CNTNAP4: variants seen among roughly 807,000 people sequenced by gnomAD.
CNTNAP4 encodes contactin-associated protein-like 4.
Under a neutral mutation model 148.4 loss-of-function variants are expected in CNTNAP4, and 98 were observed. The observed-to-expected ratio is 0.66, with a 90% CI of 0.56 to 0.78. The LOEUF is 0.78. Ranked by LOEUF, CNTNAP4 falls within the 30% of genes least tolerant of loss-of-function variation. The pLI, the probability that CNTNAP4 is intolerant of heterozygous loss-of-function variation, is 0.00. For missense variants in CNTNAP4, 1,935 were observed against 1,565.6 expected, an observed-to-expected ratio of 1.24 and a Z score of -3.98; for synonymous variants, 730 against 565.1, an observed-to-expected ratio of 1.29 and a Z score of -4.14.
At chr16:76,289,761 G>T (rs1959037656) in intron 1 of CNTNAP4, among the ~76,000 whole-genome samples, 1 of 151,882 alleles carries the variant, frequency 6.6e-6, no homozygotes, top group South Asian at 2.1e-4. Context: ...AGTAGAGGCG[G>T]GGTTTCACCA....
At chr16:76,441,121 C>G (rs1008154556) in intron 4 of CNTNAP4, among the ~76,000 whole-genome samples, 1 of 152,092 alleles carries the variant, frequency 6.6e-6, no homozygotes, top group African/African-American at 2.4e-5. Context: ...CAATACCCAG[C>G]CGTGATACAA....
intron 3 of CNTNAP4, among the ~76,000 whole-genome samples, chr16:76,389,814 T>C (rs948781187): frequency 9.9e-5 from 15 of 152,136 alleles, no homozygotes; most frequent in African/African-American, 3.1e-4. Context: ...GCCTATTCTG[T>C]CCTCAGATAT....
At chr16:76,310,005 A>T in intron 1 of CNTNAP4, 1 of 636,590 alleles carries the variant, frequency 1.6e-6, no homozygotes, top group Admixed American at 2.4e-5. Flanking sequence ...TACAGGAGTT[A>T]TTATTTGGCT....
At chr16:76,384,892 T>C (rs985800527) in intron 3 of CNTNAP4, among the ~76,000 whole-genome samples, 4 of 152,282 alleles carry the variant, frequency 2.6e-5, no homozygotes, top group African/African-American at 9.6e-5. Context: ...AACAGGGAAA[T>C]CATATTTTTC....
At chr16:76,304,988 AGTTT>A (rs1409968786) in intron 1 of CNTNAP4, among the ~76,000 whole-genome samples, 1 of 152,220 alleles carries the variant, frequency 6.6e-6, no homozygotes, top group Non-Finnish European at 1.5e-5. Flanking sequence ...TATGTAGCAC[AGTTT>A]GTTTAATCAC....
chr16:76,351,104 A>G (rs2011671679), intron 2 of CNTNAP4, among the ~76,000 whole-genome samples: 1 of 152,214 alleles, frequency 6.6e-6, no homozygotes, highest in Non-Finnish European at 1.5e-5. Context: ...ATATTGGCAT[A>G]CTAAAATCAC....
intron 1 of CNTNAP4, among the ~76,000 whole-genome samples, chr16:76,290,474 G>T (rs1343646938): frequency 6.6e-6 from 1 of 152,124 alleles, no homozygotes; most frequent in East Asian, 1.9e-4. Context: ...GGAGTGAAGT[G>T]GCAGGCACTC....
chr16:76,369,093 G>GA (rs2014499003), intron 3 of CNTNAP4, among the ~76,000 whole-genome samples: 1 of 150,124 alleles, frequency 6.7e-6, no homozygotes, highest in Admixed American at 6.6e-5. Flanking sequence ...TCATAGAAAG[G>GA]AAAAAATGAT....
At chr16:76,498,067 T>C (rs915801311) in intron 14 of CNTNAP4, among the ~76,000 whole-genome samples, 2 of 152,160 alleles carry the variant, frequency 1.3e-5, no homozygotes, top group African/African-American at 4.8e-5. Context: ...TATTCTCTAT[T>C]ACATATTTTC....
Position 76,352,968 on chromosome 16 carries a change from T to C in CNTNAP4, c.197-2350T>C, listed in dbSNP as rs145900737. ...CCCCAAGACACCAAGGGACCATGTC[T>C]ATGCAACAAGCCCTCTTGCTTAAAA... On this transcript the variant is annotated intron_variant, in intron 2 of 23. Coordinates refer to ENST00000611870, the MANE Select transcript of CNTNAP4 (RefSeq NM_033401.5). Among the ~76,000 whole-genome samples, 16 of 152,280 alleles carry C rather than the reference T, an allele frequency of 1.1e-4. No individual in the cohort carries two copies. In the East Asian group the frequency reaches 2.3e-3, roughly 22 times the overall value.
intron 2 of CNTNAP4, among the ~76,000 whole-genome samples, chr16:76,348,517 AAG>A (rs1965105080): frequency 6.6e-6 from 1 of 152,182 alleles, no homozygotes; most frequent in African/African-American, 2.4e-5. Context: ...TGTGAGATAA[AAG>A]AAGAAACCAG....
chr16:76,414,867 T>C (rs898611296), intron 3 of CNTNAP4, among the ~76,000 whole-genome samples: 5 of 151,356 alleles, frequency 3.3e-5, no homozygotes, highest in African/African-American at 1.2e-4. Context: ...ATTACTGATA[T>C]TGTTTATTCA....
intron 10 of CNTNAP4, among the ~76,000 whole-genome samples, chr16:76,470,781 T>A (rs1324911761): frequency 2.0e-5 from 3 of 152,062 alleles, no homozygotes; most frequent in Admixed American, 6.5e-5. Flanking sequence ...AACCTACAGA[T>A]AAAGGTGTAA....
chr16:76,381,671 A>G (rs1302645373), intron 3 of CNTNAP4, among the ~76,000 whole-genome samples: 1 of 152,228 alleles, frequency 6.6e-6, no homozygotes, highest in Non-Finnish European at 1.5e-5. Flanking sequence ...TGTGTAGGGT[A>G]TGTTATTTAC....
chr16:76,427,638 A>C, intron 4 of CNTNAP4, 39 bp downstream of exon 4: 6 of 1,513,606 alleles, frequency 4.0e-6, no homozygotes, highest in Non-Finnish European at 4.4e-6. Context: ...CATAGATATC[A>C]AAAGAGATGT....
chr16:76,548,526 G>T (rs2084834702), intron 21 of CNTNAP4, among the ~76,000 whole-genome samples: 1 of 151,232 alleles, frequency 6.6e-6, no homozygotes, highest in Admixed American at 6.6e-5. Flanking sequence ...GTAATAGAAG[G>T]GCACTTCACC....
chr16:76,291,953 C>A (rs1266839467), intron 1 of CNTNAP4, among the ~76,000 whole-genome samples: 1 of 152,126 alleles, frequency 6.6e-6, no homozygotes, highest in Non-Finnish European at 1.5e-5. Context: ...GGCTAAGTAG[C>A]CTTTGGATTT....
At chr16:76,343,192 A>T (rs1242672066) in intron 2 of CNTNAP4, among the ~76,000 whole-genome samples, 1 of 151,700 alleles carries the variant, frequency 6.6e-6, no homozygotes, top group Non-Finnish European at 1.5e-5. Context: ...ATTATGACTC[A>T]GTGGATCAAT....
rs751995001 is a variant in CNTNAP4, at chr16:76,479,524, A to G, written c.1868A>G (p.Tyr623Cys). The change falls in exon 12 of 24, where the codon TAT (tyrosine) becomes TGT (cysteine). Residue 623 changes from tyrosine to cysteine, a missense_variant. Transcript: ENST00000611870. ...GGTCCCCTGGAACCATTTCTTCTATATTGCAATATGACCGGTGAGTTAATC... is the reference window on the plus strand; with the variant it reads ...GGTCCCCTGGAACCATTTCTTCTATGTTGCAATATGACCGGTGAGTTAATC... ...GSGPLEPFLL[Y>C]CNMTETAWTI... 2.5e-6 allele frequency: 4 copies of G among 1,608,700 alleles called. No homozygotes were observed. The highest frequency in any genetic ancestry group is 2.2e-5 in the East Asian group (1 of 44,584).
Sources: allele counts gnomAD v4.1 joint callset (sites outside exome capture counted in the v4.1 genomes callset), GRCh38; gene constraint gnomAD v4.1.1; transcripts MANE v1.5; gene names NCBI Gene and HGNC (gene_info 2026-07-23, HGNC 2026-07-21).